Variants in C1orf21 observed in about 807,000 individuals in gnomAD.
The protein encoded by C1orf21 is chromosome 1 open reading frame 21.
C1orf21 carries 3 observed loss-of-function variants against 18.7 expected under a neutral mutation model. The observed-to-expected ratio is 0.16, with a 90% CI of 0.07 to 0.42. C1orf21 has a LOEUF of 0.42. Ranked by LOEUF, C1orf21 falls within the 10% of genes least tolerant of loss-of-function variation. The pLI is 0.99. For missense variants in C1orf21, 104 were observed against 143.6 expected (o/e 0.72, Z 1.41); for synonymous variants, 41 against 46.4 (o/e 0.88, Z 0.47).
intron 3 of C1orf21, among the ~76,000 whole-genome samples, chr1:184,526,003 T>C (rs548518950): frequency 6.6e-6 from 1 of 152,342 alleles, no homozygotes; most frequent in Admixed American, 6.5e-5. Flanking sequence ...TTTGGCTTTT[T>C]AGTTCTTTAA....
chr1:184,463,194 T>A (rs181300724), intron 1 of C1orf21, among the ~76,000 whole-genome samples: 1 of 152,192 alleles, frequency 6.6e-6, no homozygotes, highest in East Asian at 1.9e-4. Flanking sequence ...TGACCTAGAC[T>A]TGTAATAAAA....
intron 2 of C1orf21, among the ~76,000 whole-genome samples, chr1:184,482,822 G>A (rs1294993847): frequency 6.6e-6 from 1 of 152,138 alleles, no homozygotes; most frequent in African/African-American, 2.4e-5. Flanking sequence ...TGCCCAATGT[G>A]TTTATACAAA....
Position 184,621,027 on chromosome 1 carries a change from T to C in C1orf21, c.*1471T>C, listed in dbSNP as rs1393675217. On this transcript the variant is annotated 3_prime_UTR_variant, in exon 6 of 6. Transcript: ENST00000235307. ...ACTGTATGTTCCTCTCTTTTGGAGT[T>C]GTGACTTTGAAGGGCCTCAATATTA... 2.0e-5 allele frequency: 3 copies of C among 152,632 alleles called. No individual in the cohort carries two copies. The East Asian group carries it at 5.8e-4, about 29-fold the overall frequency. The allele number at this position is 152,632 out of a possible 1,614,324, so 9.5% of individuals were successfully genotyped here. A position where few individuals can be genotyped will look rare whatever the true frequency, so the allele number is the denominator to read the frequency against.
At chr1:184,511,047 C>G (rs749271608) in intron 3 of C1orf21, among the ~76,000 whole-genome samples, 1 of 152,056 alleles carries the variant, frequency 6.6e-6, no homozygotes, top group African/African-American at 2.4e-5. Flanking sequence ...AGATTTAGAC[C>G]CGCTGGAACG....
At chr1:184,422,353 A>G (rs1189293671) in intron 1 of C1orf21, among the ~76,000 whole-genome samples, 1 of 152,234 alleles carries the variant, frequency 6.6e-6, no homozygotes, top group East Asian at 1.9e-4. Flanking sequence ...CTTAATAATA[A>G]GCAAAATTTG....
intron 3 of C1orf21, among the ~76,000 whole-genome samples, chr1:184,517,330 T>C (rs1658246276): frequency 6.6e-6 from 1 of 152,224 alleles, no homozygotes; most frequent in Admixed American, 6.5e-5. Flanking sequence ...GTAGAGCAGC[T>C]AATATAACAG....
chr1:184,431,812 TC>T (rs1656770283), intron 1 of C1orf21, among the ~76,000 whole-genome samples: 1 of 152,028 alleles, frequency 6.6e-6, no homozygotes, highest in African/African-American at 2.4e-5. Flanking sequence ...GGCCAGGAAC[TC>T]AAACAAATTT....
At chr1:184,612,231 A>G (rs908405671) in intron 5 of C1orf21, among the ~76,000 whole-genome samples, 1 of 152,194 alleles carries the variant, frequency 6.6e-6, no homozygotes, top group Admixed American at 6.5e-5. Context: ...CTGCTTTATC[A>G]CAAGCATAAC....
chr1:184,473,078 C>T (rs4651209), intron 1 of C1orf21, among the ~76,000 whole-genome samples: 22,310 of 152,074 alleles, frequency 0.15, 1,862 homozygotes, highest in East Asian at 0.26. Context: ...AGACATACAA[C>T]CATTTGGGGA....
intron 2 of C1orf21, among the ~76,000 whole-genome samples, chr1:184,499,137 C>T (rs574241028): frequency 3.1e-4 from 47 of 151,988 alleles, no homozygotes; most frequent in Admixed American, 6.6e-5. Context: ...TACCCCTCTT[C>T]TTCCTCCTCC....
intron 3 of C1orf21, among the ~76,000 whole-genome samples, chr1:184,583,470 TA>T (rs1216284290): frequency 1.3e-5 from 2 of 152,268 alleles, no homozygotes; most frequent in East Asian, 1.9e-4. Context: ...ATATTAATAA[TA>T]AAAAAAGTTA....
chr1:184,447,536 G>T (rs894087536), intron 1 of C1orf21, among the ~76,000 whole-genome samples: 1 of 152,152 alleles, frequency 6.6e-6, no homozygotes, highest in Non-Finnish European at 1.5e-5. Flanking sequence ...GTATGTTTGG[G>T]TGTCAGTTTT....
chr1:184,491,451 G>A (rs1438530629), intron 2 of C1orf21, among the ~76,000 whole-genome samples: 1 of 151,954 alleles, frequency 6.6e-6, no homozygotes, highest in Non-Finnish European at 1.5e-5. Flanking sequence ...CCAAGCTCAG[G>A]TGATTCTCCC....
At chr1:184,415,850 A>C (rs1041990682) in intron 1 of C1orf21, among the ~76,000 whole-genome samples, 3 of 152,140 alleles carry the variant, frequency 2.0e-5, no homozygotes, top group African/African-American at 7.2e-5. Context: ...TTTAATATTG[A>C]CAATGTCCCC....
intron 3 of C1orf21, among the ~76,000 whole-genome samples, chr1:184,526,141 G>A (rs560264624): frequency 2.6e-5 from 4 of 152,296 alleles, no homozygotes; most frequent in African/African-American, 9.6e-5. Context: ...AAGGAATGGA[G>A]TGTGCTGATC....
chr1:184,532,734 A>G (rs1242007025), intron 3 of C1orf21, among the ~76,000 whole-genome samples: 1 of 152,148 alleles, frequency 6.6e-6, no homozygotes, highest in Admixed American at 6.5e-5. Context: ...GCAACAAATC[A>G]AGAACTTGTT....
chr1:184,390,102 A>G (rs1655948341), intron 1 of C1orf21, among the ~76,000 whole-genome samples: 1 of 152,234 alleles, frequency 6.6e-6, no homozygotes, highest in Non-Finnish European at 1.5e-5. Context: ...TAACAGAGAA[A>G]TTGGTGAAAC....
intron 3 of C1orf21, among the ~76,000 whole-genome samples, chr1:184,580,748 C>G (rs946785553): frequency 3.9e-5 from 6 of 152,232 alleles, no homozygotes; most frequent in African/African-American, 1.4e-4. Context: ...TCATATTGCT[C>G]TGATAGGGGC....
chr1:184,597,043 T>C (rs1239278547), intron 4 of C1orf21, among the ~76,000 whole-genome samples: 2 of 152,172 alleles, frequency 1.3e-5, no homozygotes, highest in East Asian at 3.9e-4. Flanking sequence ...AAAACTCAGC[T>C]ATGCAAACTG....
Sources: allele counts gnomAD v4.1 joint callset (sites outside exome capture counted in the v4.1 genomes callset), GRCh38; gene constraint gnomAD v4.1.1; transcripts MANE v1.5; gene names NCBI Gene and HGNC (gene_info 2026-07-23, HGNC 2026-07-21).